Variants in SATL1 observed in about 807,000 individuals in gnomAD.
SATL1 encodes spermidine/spermine N(1)-acetyltransferase-like protein 1.
A neutral mutation model predicts 51.8 loss-of-function variants in SATL1; 47 were observed. The ratio of observed to expected loss-of-function variants is 0.91; its 90% CI spans 0.72 to 1.16. The LOEUF is 1.16. Among genes scored for constraint, SATL1 ranks in the 50% most tolerant of loss-of-function variants. The pLI is 0.00. For missense variants in SATL1, 520 were observed against 526.4 expected, an observed-to-expected ratio of 0.99 and a Z score of 0.12; for synonymous variants, 176 against 182.4, an observed-to-expected ratio of 0.97 and a Z score of 0.28.
chrX:85,121,592 T>G, intron 2 of SATL1, among the ~76,000 whole-genome samples: 1 of 106,484 alleles, frequency 9.4e-6, no homozygotes, highest in Non-Finnish European at 1.9e-5. Context: ...CTCCTTCTCC[T>G]CCACACCTCC....
chrX:85,114,792 C>A (rs2147697273), intron 2 of SATL1, among the ~76,000 whole-genome samples: 1 of 112,475 alleles, frequency 8.9e-6, no homozygotes, highest in Admixed American at 9.4e-5. Context: ...AAACCCAGTT[C>A]TTAATAAAAT....
chrX:85,126,840 C>A (rs188640122), intron 2 of SATL1, among the ~76,000 whole-genome samples: 3 of 106,251 alleles, frequency 2.8e-5, no homozygotes, highest in Non-Finnish European at 5.8e-5. Context: ...CAAGTTTTAC[C>A]CCCCCCACCA....
chrX:85,220,364 C>A, intron 2 of SATL1, among the ~76,000 whole-genome samples: 1 of 109,094 alleles, frequency 9.2e-6, no homozygotes, highest in Non-Finnish European at 1.9e-5. Flanking sequence ...TAGTGCTGAA[C>A]TGGGCCCAGA....
intron 4 of SATL1, among the ~76,000 whole-genome samples, chrX:85,101,822 A>G (rs1217418684): frequency 9.0e-6 from 1 of 111,129 alleles, no homozygotes; most frequent in Non-Finnish European, 1.9e-5. Context: ...TATATACACA[A>G]TGGAATGTTA....
intron 2 of SATL1, among the ~76,000 whole-genome samples, chrX:85,198,338 T>C (rs1927617253): frequency 9.0e-6 from 1 of 111,707 alleles, no homozygotes; most frequent in African/African-American, 3.3e-5. Flanking sequence ...TACTTTTGGG[T>C]ATATAGCTAG....
intron 2 of SATL1, among the ~76,000 whole-genome samples, chrX:85,194,626 A>G (rs1424744924): frequency 9.1e-6 from 1 of 110,462 alleles, no homozygotes; most frequent in African/African-American, 3.3e-5. Context: ...ACCAACCCAA[A>G]TGTCCATCAG....
At chrX:85,127,274 C>A (rs1293571023) in intron 2 of SATL1, among the ~76,000 whole-genome samples, 1 of 111,206 alleles carries the variant, frequency 9.0e-6, no homozygotes, top group Non-Finnish European at 1.9e-5. Context: ...ATCTATAAGG[C>A]AGGGATAATA....
chrX:85,140,237 T>C (rs891002207), intron 2 of SATL1, among the ~76,000 whole-genome samples: 44 of 112,346 alleles, frequency 3.9e-4, no homozygotes, highest in Non-Finnish European at 6.8e-4. Context: ...GACCACATTT[T>C]GTTCTGAGTT....
intron 2 of SATL1, among the ~76,000 whole-genome samples, chrX:85,133,136 C>A (rs1204888768): frequency 8.9e-6 from 1 of 112,205 alleles, no homozygotes; most frequent in Non-Finnish European, 1.9e-5. Context: ...AGGAGGCAGT[C>A]TGTCCATTCT....
At chrX:85,203,270 G>C (rs914407054) in intron 2 of SATL1, among the ~76,000 whole-genome samples, 3 of 111,193 alleles carry the variant, frequency 2.7e-5, no homozygotes, top group Non-Finnish European at 5.7e-5. Context: ...CCCCAGTTGA[G>C]AGGTCCCACC....
chrX:85,129,171 C>G (rs993384525), intron 2 of SATL1, among the ~76,000 whole-genome samples: 1 of 111,634 alleles, frequency 9.0e-6, no homozygotes, highest in Non-Finnish European at 1.9e-5. Flanking sequence ...TAGTTTTTTC[C>G]AATTCTGTGA....
intron 2 of SATL1, among the ~76,000 whole-genome samples, chrX:85,216,022 G>C (rs1928034732): frequency 8.9e-6 from 1 of 111,974 alleles, no homozygotes. Context: ...AGGTTTACTT[G>C]GCTCATGATT....
chrX:85,109,189 G>C lies in SATL1; in HGVS notation c.-221C>G. 2.4e-6 allele frequency: 1 copy of C among 418,542 alleles called. No homozygotes were observed. Among genetic ancestry groups the C allele is most frequent in the Non-Finnish European group, 4.1e-6 (1 of 242,690 alleles). 34.5% of individuals were successfully genotyped at this position (418,542 alleles called of 1,213,427 possible). ...GAAAAAGAGAGGAGCACCTCAGGAA[G>C]ATTATTAATGCCTCCGGTTTGCTGG... On this transcript the variant is annotated 5_prime_UTR_variant, in exon 3 of 8. The change creates a new upstream start codon in the 5' untranslated region. Transcript: ENST00000644105.
intron 2 of SATL1, among the ~76,000 whole-genome samples, chrX:85,132,282 A>T (rs755918489): frequency 7.5e-4 from 84 of 111,902 alleles, no homozygotes; most frequent in Non-Finnish European, 1.2e-3. Context: ...ACTTTCAGGT[A>T]CACCAATCAA....
chrX:85,124,291 A>G (rs1248173524), intron 2 of SATL1, among the ~76,000 whole-genome samples: 1 of 111,724 alleles, frequency 9.0e-6, no homozygotes, highest in Non-Finnish European at 1.9e-5. Flanking sequence ...GAAACTATGG[A>G]GTAGAGTGAA....
chrX:85,188,996 A>C (rs1602899480), intron 2 of SATL1, among the ~76,000 whole-genome samples: 2 of 112,231 alleles, frequency 1.8e-5, no homozygotes, highest in Non-Finnish European at 3.8e-5. Context: ...GAATAAAGTA[A>C]ATTTTTGATC....
At position 85,240,870 on chromosome X, in the gene SATL1, C is replaced by T. The variant is rs893393631; in HGVS notation, c.-435+2718G>A. On this transcript the variant is annotated intron_variant, in intron 1 of 7. Coordinates refer to ENST00000644105, the MANE Select transcript of SATL1 (RefSeq NM_001367857.2). Reference sequence around the variant, plus strand: ...CGATCTCCTGACCTCGTGATCCGCCCGCCTCGGCCTCCCAAAGTGCTGGGA... The same window carrying T: ...CGATCTCCTGACCTCGTGATCCGCCTGCCTCGGCCTCCCAAAGTGCTGGGA... Among the ~76,000 whole-genome samples the T allele has an allele frequency of 4.6e-5, 5 of 109,743 alleles. No homozygotes were observed. In the South Asian group the frequency reaches 1.2e-3, roughly 27 times the overall value.
intron 2 of SATL1, among the ~76,000 whole-genome samples, chrX:85,152,587 A>G (rs1212233708): frequency 1.8e-5 from 2 of 111,627 alleles, no homozygotes; most frequent in African/African-American, 3.3e-5. Flanking sequence ...ACAATGATAG[A>G]CTGGATTAAG....
intron 3 of SATL1, 144 bp from the exon 4 acceptor site, chrX:85,104,059 C>G (rs2147687485): frequency 4.9e-6 from 2 of 404,451 alleles, no homozygotes; most frequent in East Asian, 9.4e-5. Flanking sequence ...TCCCAGTCAT[C>G]TAGAAACAAA....
Sources: gnomAD v4.1 joint callset for allele counts (sites outside exome capture counted in the v4.1 genomes callset) on GRCh38, gnomAD v4.1.1 for gene constraint, MANE v1.5 for transcripts, NCBI Gene and HGNC (gene_info 2026-07-23, HGNC 2026-07-21) for gene names.